The following CAMTA1 variants were observed in gnomAD, a reference collection of about 807,000 sequenced individuals.
The protein encoded by CAMTA1 is calmodulin-binding transcription activator 1.
CAMTA1 carries 27 observed loss-of-function variants against 170.9 expected under a neutral mutation model. The ratio of observed to expected loss-of-function variants is 0.16; its 90% CI spans 0.12 to 0.22. CAMTA1 has a LOEUF of 0.22. CAMTA1 is among the 10% of genes least tolerant of loss of function. The pLI is 1.00. For synonymous variants in CAMTA1, 833 were observed against 891.5 expected (o/e 0.93, Z 1.17); for missense variants, 1,619 against 2,217.2 (o/e 0.73, Z 5.42).
chr1:7,122,690 T>C (rs1348480947), intron 4 of CAMTA1, among the ~76,000 whole-genome samples: 2 of 152,138 alleles, frequency 1.3e-5, no homozygotes, highest in Non-Finnish European at 2.9e-5. Flanking sequence ...CTCAGGGCTG[T>C]TGTTGCTGAG....
intron 4 of CAMTA1, among the ~76,000 whole-genome samples, chr1:7,228,884 G>T (rs1342497724): frequency 6.6e-6 from 1 of 152,174 alleles, no homozygotes; most frequent in East Asian, 1.9e-4. Context: ...AGGCCTTAGG[G>T]CACATTGTGC....
chr1:7,165,341 A>T (rs1382074627), intron 4 of CAMTA1, among the ~76,000 whole-genome samples: 1 of 152,220 alleles, frequency 6.6e-6, no homozygotes, highest in Non-Finnish European at 1.5e-5. Context: ...TGATTTCTTA[A>T]AAAGAAAGAA....
intron 3 of CAMTA1, among the ~76,000 whole-genome samples, chr1:6,936,609 A>G: frequency 6.6e-6 from 1 of 152,184 alleles, no homozygotes; most frequent in Non-Finnish European, 1.5e-5. Flanking sequence ...TGGGGGAGGA[A>G]AGAGAGCTCT....
At chr1:7,140,059 T>C (rs1358027536) in intron 4 of CAMTA1, among the ~76,000 whole-genome samples, 2 of 152,220 alleles carry the variant, frequency 1.3e-5, no homozygotes, top group Non-Finnish European at 2.9e-5. Context: ...CCTATTATTA[T>C]CTCCATTCTG....
intron 3 of CAMTA1, among the ~76,000 whole-genome samples, chr1:6,847,263 A>T (rs951543392): frequency 1.5e-4 from 23 of 151,574 alleles, no homozygotes; most frequent in South Asian, 8.3e-4. Context: ...TTTTTTTTTT[A>T]AAAATGACAC....
chr1:7,411,281 G>A (rs2090720105), intron 5 of CAMTA1, among the ~76,000 whole-genome samples: 1 of 152,124 alleles, frequency 6.6e-6, no homozygotes, highest in Non-Finnish European at 1.5e-5. Flanking sequence ...CCCCCTCTTT[G>A]GCGCAATGAC....
chr1:7,484,506 G>T (rs946393948), intron 6 of CAMTA1, among the ~76,000 whole-genome samples: 1 of 152,116 alleles, frequency 6.6e-6, no homozygotes, highest in Non-Finnish European at 1.5e-5. Flanking sequence ...GATAACAATC[G>T]TGGCCGGGCA....
chr1:7,461,821 C>T (rs913560090), intron 5 of CAMTA1, among the ~76,000 whole-genome samples: 1 of 152,240 alleles, frequency 6.6e-6, no homozygotes, highest in African/African-American at 2.4e-5. Context: ...GCCATGCATG[C>T]TCATACTCAG....
intron 3 of CAMTA1, among the ~76,000 whole-genome samples, chr1:6,962,239 C>T (rs1437233459): frequency 1.3e-5 from 2 of 152,224 alleles, no homozygotes; most frequent in Admixed American, 1.3e-4. Flanking sequence ...TGTCCCCGGC[C>T]TGTGCAGCGG....
chr1:6,862,903 C>A (rs753718527), intron 3 of CAMTA1, among the ~76,000 whole-genome samples: 3 of 152,148 alleles, frequency 2.0e-5, no homozygotes, highest in Admixed American at 6.5e-5. Context: ...ATAATCTCAT[C>A]TTTTACCCAA....
chr1:7,498,372 T>C (rs888432423), intron 6 of CAMTA1, among the ~76,000 whole-genome samples: 1 of 151,012 alleles, frequency 6.6e-6, no homozygotes, highest in Non-Finnish European at 1.5e-5. Flanking sequence ...TGGATGTGTG[T>C]GTATGAGTGG....
intron 6 of CAMTA1, among the ~76,000 whole-genome samples, chr1:7,618,356 C>T (rs2095574072): frequency 6.6e-6 from 1 of 152,230 alleles, no homozygotes; most frequent in Admixed American, 6.5e-5. Context: ...AGGAGAACCA[C>T]TTTCTAGGAT....
At chr1:7,275,146 C>CAAAAAAA (rs1340599304) in intron 5 of CAMTA1, among the ~76,000 whole-genome samples, 44 of 83,234 alleles carry the variant, frequency 5.3e-4, no homozygotes, top group African/African-American at 1.1e-3. Flanking sequence ...GATTCCATCT[C>CAAAAAAA]AAAAAAAAAA....
chr1:6,848,785 G>T (rs185418192), intron 3 of CAMTA1, among the ~76,000 whole-genome samples: 70 of 152,252 alleles, frequency 4.6e-4, no homozygotes, highest in African/African-American at 1.7e-3. Context: ...AATACTTAGG[G>T]GAGTTCACAA....
chr1:6,962,328 G>A (rs1386775954), intron 3 of CAMTA1, among the ~76,000 whole-genome samples: 2 of 151,966 alleles, frequency 1.3e-5, no homozygotes, highest in African/African-American at 4.8e-5. Flanking sequence ...GGGGCCAGGG[G>A]CAGCTGGAGG....
At chr1:7,467,718 G>A in intron 5 of CAMTA1, 112 bp from the exon 6 acceptor site, 1 of 971,240 alleles carries the variant, frequency 1.0e-6, no homozygotes, top group Non-Finnish European at 1.7e-6. Context: ...GGTCTCCCTG[G>A]GCCGCTGCCA....
At chr1:7,124,061 G>C (rs997407866) in intron 4 of CAMTA1, among the ~76,000 whole-genome samples, 1 of 152,166 alleles carries the variant, frequency 6.6e-6, no homozygotes, top group Non-Finnish European at 1.5e-5. Context: ...GTCTCACCTC[G>C]CAGCTATAGT....
intron 5 of CAMTA1, among the ~76,000 whole-genome samples, chr1:7,442,175 A>G: frequency 6.6e-6 from 1 of 152,202 alleles, no homozygotes; most frequent in East Asian, 1.9e-4. Context: ...GCGCTCAGCA[A>G]GGCTGTGGTG....
At chr1:6,976,242 G>A (rs1286662085) in intron 3 of CAMTA1, among the ~76,000 whole-genome samples, 1 of 152,190 alleles carries the variant, frequency 6.6e-6, no homozygotes, top group African/African-American at 2.4e-5. Context: ...AGGAACAGCC[G>A]GAGAAGTGTG....
Sources: allele counts gnomAD v4.1 joint callset (sites outside exome capture counted in the v4.1 genomes callset), GRCh38; gene constraint gnomAD v4.1.1; transcripts MANE v1.5; gene names NCBI Gene and HGNC (gene_info 2026-07-23, HGNC 2026-07-21).